Variants in NELL2 observed in about 807,000 individuals in gnomAD.
The protein encoded by NELL2 is protein kinase C-binding protein NELL2.
In NELL2, 41 loss-of-function variants were observed where a neutral mutation model predicts 109.6. The ratio of observed to expected loss-of-function variants is 0.37; its 90% CI spans 0.29 to 0.49. The LOEUF (loss-of-function observed/expected upper bound fraction) is 0.49, where lower values mean the gene tolerates loss of function less well. NELL2 is among the 20% of genes least tolerant of loss of function. The pLI, the probability that NELL2 is intolerant of heterozygous loss-of-function variation, is 0.98. For synonymous variants in NELL2, 355 were observed against 344.7 expected, an observed-to-expected ratio of 1.03 and a Z score of -0.33; for missense variants, 900 against 1,008.3, an observed-to-expected ratio of 0.89 and a Z score of 1.45.
At chr12:44,808,576 C>G (rs1203969404) in intron 3 of NELL2, among the ~76,000 whole-genome samples, 2 of 151,518 alleles carry the variant, frequency 1.3e-5, no homozygotes, top group Non-Finnish European at 2.9e-5. Flanking sequence ...TTTATAAATC[C>G]TATTATCTTT....
At chr12:44,620,139 T>G (rs1299958358) in intron 13 of NELL2, among the ~76,000 whole-genome samples, 1 of 143,066 alleles carries the variant, frequency 7.0e-6, no homozygotes, top group African/African-American at 2.7e-5. Flanking sequence ...TTTTTTTTTA[T>G]GGCAAAGAAG....
intron 9 of NELL2, among the ~76,000 whole-genome samples, chr12:44,768,116 C>T (rs1261382572): frequency 6.6e-6 from 1 of 152,132 alleles, no homozygotes; most frequent in Non-Finnish European, 1.5e-5. Context: ...TATGAGCTGA[C>T]TAATTAACAG....
At chr12:44,857,842 C>T (rs1339699648) in intron 2 of NELL2, among the ~76,000 whole-genome samples, 1 of 152,136 alleles carries the variant, frequency 6.6e-6, no homozygotes, top group Non-Finnish European at 1.5e-5. Flanking sequence ...CTACCCAAAT[C>T]CATATATCCT....
intron 2 of NELL2, among the ~76,000 whole-genome samples, chr12:44,852,662 G>A (rs1944566690): frequency 6.6e-6 from 1 of 152,114 alleles, no homozygotes; most frequent in Admixed American, 6.6e-5. Context: ...CTAATTTGCT[G>A]ACCAAAATAA....
intron 13 of NELL2, among the ~76,000 whole-genome samples, chr12:44,647,937 G>T (rs930961801): frequency 2.6e-5 from 4 of 152,134 alleles, no homozygotes; most frequent in Non-Finnish European, 4.4e-5. Context: ...CCAGTTACTA[G>T]GTGATGCATC....
At chr12:44,590,046 C>A (rs1301511056) in intron 15 of NELL2, among the ~76,000 whole-genome samples, 3 of 152,276 alleles carry the variant, frequency 2.0e-5, no homozygotes, top group South Asian at 2.1e-4. Flanking sequence ...TGTATAATCA[C>A]CCTAATCCAA....
intron 9 of NELL2, among the ~76,000 whole-genome samples, chr12:44,757,043 G>T (rs1010686603): frequency 6.6e-6 from 1 of 152,098 alleles, no homozygotes; most frequent in Non-Finnish European, 1.5e-5. Flanking sequence ...TTGCCCTCCA[G>T]TATTCTCTAC....
rs1052952241 is a variant in NELL2 at position 44,829,356 on chromosome 12, T to C, written c.185-13220A>G. Among the ~76,000 whole-genome samples, 7 of 152,252 alleles carry C rather than the reference T, an allele frequency of 4.6e-5. No individual in the cohort carries two copies. In the South Asian group the frequency reaches 6.2e-4, roughly 14 times the overall value. On this transcript the variant is annotated intron_variant, in intron 2 of 19. Transcript: ENST00000429094. The stretch of plus-strand genomic sequence containing the variant: ...AAATCCTTTTAACACATGTAGCAAA[T>C]TTAAGAATCAGTAATTTGCTAGACT...
rs1205431184 is a variant in NELL2, at chr12:44,854,716, G to GTGGA, written c.184+20505_184+20508dup. Among the ~76,000 whole-genome samples the GTGGA allele has an allele frequency of 2.3e-4, 34 of 147,134 alleles. 1 individual carries two copies. Among genetic ancestry groups the GTGGA allele is most frequent in the Admixed American group, 8.2e-4 (12 of 14,710 alleles). ...GATGGGTGGATGGATGGGTGGGTGG[G>GTGGA]TGGATGGATGGATGGATGGATGGAT... On this transcript the variant is annotated intron_variant, in intron 2 of 19. Coordinates refer to ENST00000429094, the MANE Select transcript of NELL2 (RefSeq NM_001145108.2).
At chr12:44,711,558 A>G (rs1938204661) in intron 10 of NELL2, among the ~76,000 whole-genome samples, 164 bp from the exon 11 acceptor site, 1 of 152,080 alleles carries the variant, frequency 6.6e-6, no homozygotes, top group Non-Finnish European at 1.5e-5. Context: ...TTAAATCCCA[A>G]TTGGAAAGTC....
At chr12:44,600,362 G>A (rs1231083465) in intron 15 of NELL2, among the ~76,000 whole-genome samples, 1 of 151,664 alleles carries the variant, frequency 6.6e-6, no homozygotes, top group Non-Finnish European at 1.5e-5. Flanking sequence ...ACTGCTCTAA[G>A]AGAGTACTAA....
chr12:44,632,466 A>G (rs1354066589), intron 13 of NELL2, among the ~76,000 whole-genome samples: 1 of 152,122 alleles, frequency 6.6e-6, no homozygotes, highest in African/African-American at 2.4e-5. Flanking sequence ...CCTATTGAAA[A>G]TTCCAATGCT....
In NELL2 at chr12:44,543,040, T is replaced by C. The variant is rs1297559393; in HGVS notation, c.1664-10319A>G. Among the ~76,000 whole-genome samples the C allele has an allele frequency of 4.6e-5, 7 of 152,274 alleles. No individual in the cohort carries two copies. In the East Asian group the frequency reaches 1.4e-3, roughly 29 times the overall value. ...GTTTTAAGCTACCCAGTTTGTGGTT[T>C]TGTGGTACTTTACTATAGCAGTCCT... On this transcript the variant is annotated intron_variant, in intron 15 of 19. Transcript: ENST00000429094.
intron 3 of NELL2, among the ~76,000 whole-genome samples, chr12:44,813,554 G>T (rs1215891647): frequency 6.6e-6 from 1 of 151,964 alleles, no homozygotes; most frequent in Non-Finnish European, 1.5e-5. Context: ...TTATGTATAA[G>T]AAATATTCAT....
At chr12:44,591,047 G>C (rs1944727095) in intron 15 of NELL2, among the ~76,000 whole-genome samples, 1 of 152,110 alleles carries the variant, frequency 6.6e-6, no homozygotes, top group African/African-American at 2.4e-5. Context: ...ATAATCATCA[G>C]GGAAATGCAA....
At chr12:44,914,716 A>G (rs1255386526), upstream of NELL2, among the ~76,000 whole-genome samples, 1 of 152,228 alleles carries the variant, frequency 6.6e-6, no homozygotes, top group African/African-American at 2.4e-5. Context: ...GATGTTAAAT[A>G]AAAGTGGAGG....
chr12:44,683,400 A>T (rs1296749262), intron 12 of NELL2, among the ~76,000 whole-genome samples: 9 of 143,818 alleles, frequency 6.3e-5, no homozygotes, highest in African/African-American at 2.4e-4. Flanking sequence ...TCCTGATTGA[A>T]TACCCTTTAT....
chr12:44,513,977 G>A (rs1275531039), intron 19 of NELL2, among the ~76,000 whole-genome samples: 1 of 147,990 alleles, frequency 6.8e-6, no homozygotes, highest in Non-Finnish European at 1.5e-5. Context: ...TTAGACCTAA[G>A]TGCATCATAG....
chr12:44,571,910 G>T lies in NELL2; in HGVS notation c.1663+35259C>A, dbSNP rs186943444. Among the ~76,000 whole-genome samples the T allele has an allele frequency of 3.9e-3, 586 of 152,014 alleles. 4 individuals carry two copies. Among genetic ancestry groups the T allele is most frequent in the African/African-American group, 0.013 (554 of 41,444 alleles). Reference sequence around the variant, plus strand: ...TAACCATAAGAATTTTATACTCAGGGTATGTAGATTACAGCCACCCATGTA... The same window carrying T: ...TAACCATAAGAATTTTATACTCAGGTTATGTAGATTACAGCCACCCATGTA... On this transcript the variant is annotated intron_variant, in intron 15 of 19. Coordinates refer to ENST00000429094, the MANE Select transcript of NELL2 (RefSeq NM_001145108.2).
Sources: gnomAD v4.1 joint callset for allele counts (sites outside exome capture counted in the v4.1 genomes callset) on GRCh38, gnomAD v4.1.1 for gene constraint, MANE v1.5 for transcripts, NCBI Gene and HGNC (gene_info 2026-07-23, HGNC 2026-07-21) for gene names.